The following ITGBL1 variants were observed in gnomAD, a reference collection of about 807,000 sequenced individuals.
ITGBL1 encodes integrin beta-like protein 1.
In ITGBL1, 51 loss-of-function variants were observed where a neutral mutation model predicts 68.5. The observed-to-expected ratio is 0.74, with a 90% CI of 0.59 to 0.94. The LOEUF is 0.94. Ranked by LOEUF, ITGBL1 falls within the 40% of genes least tolerant of loss-of-function variation. ITGBL1 has a pLI of 0.00. For synonymous variants in ITGBL1, 209 were observed against 227.3 expected (o/e 0.92, Z 0.72); for missense variants, 649 against 647.4 (o/e 1.00, Z -0.03).
At chr13:101,698,334 T>C (rs2034050260) in intron 8 of ITGBL1, among the ~76,000 whole-genome samples, 1 of 152,178 alleles carries the variant, frequency 6.6e-6, no homozygotes, top group South Asian at 2.1e-4. Context: ...TAAGAGCCAA[T>C]AGTGTTTATC....
intron 7 of ITGBL1, among the ~76,000 whole-genome samples, chr13:101,600,357 T>C (rs2030284427): frequency 6.6e-6 from 1 of 152,232 alleles, no homozygotes; most frequent in Non-Finnish European, 1.5e-5. Flanking sequence ...TGGGGTTTTC[T>C]AGATATACAA....
At chr13:101,703,870 C>CTT (rs2034190816) in intron 8 of ITGBL1, among the ~76,000 whole-genome samples, 1 of 152,078 alleles carries the variant, frequency 6.6e-6, no homozygotes, top group Non-Finnish European at 1.5e-5. Context: ...TTTACAAAAG[C>CTT]TTTGGAAAAG....
chr13:101,584,891 G>A (rs1057295618), intron 6 of ITGBL1, among the ~76,000 whole-genome samples: 4 of 151,728 alleles, frequency 2.6e-5, no homozygotes, highest in African/African-American at 9.7e-5. Flanking sequence ...AATTGCAGGA[G>A]GCTATTGGAT....
intron 7 of ITGBL1, among the ~76,000 whole-genome samples, chr13:101,662,057 C>T (rs550457009): frequency 6.6e-6 from 1 of 152,252 alleles, no homozygotes; most frequent in South Asian, 2.1e-4. Flanking sequence ...TTTAAAGCAT[C>T]GAACTGCTTA....
At chr13:101,516,789 A>G (rs1392506079) in intron 2 of ITGBL1, among the ~76,000 whole-genome samples, 1 of 152,182 alleles carries the variant, frequency 6.6e-6, no homozygotes, top group African/African-American at 2.4e-5. Flanking sequence ...TTTAATTAGT[A>G]TGTTCACACA....
At chr13:101,572,739 T>C (rs534738063) in intron 3 of ITGBL1, among the ~76,000 whole-genome samples, 8 of 152,138 alleles carry the variant, frequency 5.3e-5, no homozygotes, top group South Asian at 2.1e-4. Context: ...ATGTTTCCGA[T>C]GTGTGGATGA....
chr13:101,474,201 T>C (rs551592418), intron 2 of ITGBL1, among the ~76,000 whole-genome samples: 5 of 152,114 alleles, frequency 3.3e-5, no homozygotes, highest in Non-Finnish European at 7.4e-5. Context: ...GGACCCACAC[T>C]GGGCCAGAGG....
At chr13:101,542,289 A>G (rs1330432877) in intron 2 of ITGBL1, among the ~76,000 whole-genome samples, 1 of 152,148 alleles carries the variant, frequency 6.6e-6, no homozygotes, top group African/African-American at 2.4e-5. Flanking sequence ...GAACATCTTT[A>G]TTTCTGCCTT....
intron 6 of ITGBL1, among the ~76,000 whole-genome samples, chr13:101,590,111 A>G (rs2050625602): frequency 6.6e-6 from 1 of 152,216 alleles, no homozygotes. Flanking sequence ...AGAGCATCTG[A>G]ACTTAAAAAA....
downstream of ITGBL1, chr13:101,716,923 G>T (rs992898487): frequency 5.3e-5 from 8 of 151,808 alleles, no homozygotes; most frequent in African/African-American, 1.5e-4. Flanking sequence ...TTATGAAAGT[G>T]TACAATAATT....
chr13:101,667,399 T>A (rs2033247927), intron 7 of ITGBL1, among the ~76,000 whole-genome samples: 1 of 152,086 alleles, frequency 6.6e-6, no homozygotes, highest in Admixed American at 6.6e-5. Context: ...GGTCAAAGTC[T>A]GCTTGGAGAT....
intron 6 of ITGBL1, 24 bp from the exon 7 acceptor site, chr13:101,598,129 T>A (rs751678538): frequency 3.2e-6 from 5 of 1,572,092 alleles, no homozygotes; most frequent in Non-Finnish European, 4.3e-6. Flanking sequence ...TACATTTTTA[T>A]TTTTTGCCAC....
At chr13:101,647,311 TATG>T (rs1214683616) in intron 7 of ITGBL1, among the ~76,000 whole-genome samples, 2 of 152,204 alleles carry the variant, frequency 1.3e-5, no homozygotes, top group Non-Finnish European at 2.9e-5. Flanking sequence ...CAAAACCATC[TATG>T]ATGAGAAAAT....
At chr13:101,628,988 G>A (rs895367305) in intron 7 of ITGBL1, among the ~76,000 whole-genome samples, 1 of 152,024 alleles carries the variant, frequency 6.6e-6, no homozygotes, top group Non-Finnish European at 1.5e-5. Flanking sequence ...GATAATGAGT[G>A]ATATTGACCA....
At chr13:101,542,739 C>G (rs28795719) in intron 2 of ITGBL1, among the ~76,000 whole-genome samples, 3 of 152,190 alleles carry the variant, frequency 2.0e-5, no homozygotes, top group Non-Finnish European at 4.4e-5. Context: ...TCTGGGTGCT[C>G]CTGTATTGGG....
intron 7 of ITGBL1, among the ~76,000 whole-genome samples, chr13:101,654,995 C>T (rs1266458280): frequency 6.6e-6 from 1 of 152,094 alleles, no homozygotes; most frequent in Non-Finnish European, 1.5e-5. Context: ...TTAAATTTCA[C>T]AGACATTAGG....
chr13:101,599,290 T>C (rs1487251453), intron 7 of ITGBL1, among the ~76,000 whole-genome samples: 2 of 152,000 alleles, frequency 1.3e-5, no homozygotes, highest in African/African-American at 4.8e-5. Context: ...GTTGTTTGTT[T>C]TTTTCTTGTA....
intron 2 of ITGBL1, among the ~76,000 whole-genome samples, chr13:101,509,574 A>G (rs907459150): frequency 2.6e-5 from 4 of 152,130 alleles, no homozygotes; most frequent in African/African-American, 7.2e-5. Flanking sequence ...ATATTAACCG[A>G]TATTCAATAT....
At chr13:101,695,306 T>C (rs1300524884) in intron 8 of ITGBL1, among the ~76,000 whole-genome samples, 1 of 152,036 alleles carries the variant, frequency 6.6e-6, no homozygotes, top group African/African-American at 2.4e-5. Context: ...CAGCTTGTGC[T>C]CAGTTGTGTG....
Sources: allele counts gnomAD v4.1 joint callset (sites outside exome capture counted in the v4.1 genomes callset), GRCh38; gene constraint gnomAD v4.1.1; transcripts MANE v1.5; gene names NCBI Gene and HGNC (gene_info 2026-07-23, HGNC 2026-07-21).